ASAH1: variants seen among roughly 807,000 people sequenced by gnomAD.
ASAH1 encodes N-acylsphingosine amidohydrolase 1.
A neutral mutation model predicts 59.5 loss-of-function variants in ASAH1; 70 were observed. The observed-to-expected ratio is 1.18, with a 90% CI of 0.97 to 1.43. ASAH1 has a LOEUF of 1.43. Among genes scored for constraint, ASAH1 ranks in the 40% most tolerant of loss-of-function variants. ASAH1 has a pLI of 0.00. For missense variants in ASAH1, 660 were observed against 482.5 expected, an observed-to-expected ratio of 1.37 and a Z score of -3.45; for synonymous variants, 213 against 166.5, an observed-to-expected ratio of 1.28 and a Z score of -2.15.
intron 12 of ASAH1, 45 bp downstream of exon 12, chr8:18,059,296 T>C: frequency 1.2e-6 from 2 of 1,613,770 alleles, no homozygotes; most frequent in Non-Finnish European, 1.7e-6. Flanking sequence ...CAAGGGAATC[T>C]TTAATGGCAA....
intron 7 of ASAH1, 163 bp from the exon 8 acceptor site, chr8:18,062,586 T>C (rs1301705076): frequency 8.9e-6 from 7 of 783,124 alleles, no homozygotes; most frequent in African/African-American, 1.7e-5. Flanking sequence ...GTTTTCCAAA[T>C]GATAAAATTG....
intron 4 of ASAH1, among the ~76,000 whole-genome samples, chr8:18,069,133 G>A (rs1464673956): frequency 2.6e-5 from 3 of 113,744 alleles, no homozygotes; most frequent in African/African-American, 9.3e-5. Context: ...AGAGTGAGAT[G>A]AGGTCTCAAA....
intron 1 of ASAH1, chr8:18,076,251 C>T (rs1448297025): frequency 1.3e-5 from 2 of 154,692 alleles, no homozygotes; most frequent in Admixed American, 1.3e-4. Flanking sequence ...CATCTATCTT[C>T]CATATGAAAA....
chr8:18,061,229 A>G, intron 10 of ASAH1, 148 bp downstream of exon 10: 1 of 654,518 alleles, frequency 1.5e-6, no homozygotes, highest in South Asian at 2.1e-5. Context: ...AGAAAACATG[A>G]GTAATTCCAC....
chr8:18,084,017 G>A lies in ASAH1; in HGVS notation c.42C>T (p.Ala14=), dbSNP rs769259139. Residue 14 remains alanine, a synonymous_variant, in exon 1 of 14, where the codon GCC becomes GCT. Coordinates refer to ENST00000637790, the MANE Select transcript of ASAH1 (RefSeq NM_177924.5). ...GCTGCGCGACGGCACAGCTGACGGC[G>A]GCAGCCAGGAGGACTAAGGCGACGC... The part of the protein sequence containing the change: ...RSCVALVLLA[A]AVSCAVAQHA... The A allele has an allele frequency of 6.3e-7, 1 of 1,598,502 alleles. No homozygotes were observed. Among genetic ancestry groups the A allele is most frequent in the Non-Finnish European group, 8.5e-7 (1 of 1,179,622 alleles).
Position 18,084,092 on chromosome 8 carries a change from A to C in ASAH1, c.-34T>G. 2.5e-6 allele frequency: 4 copies of C among 1,597,302 alleles called. No homozygotes were observed. In the South Asian group the frequency reaches 4.4e-5, roughly 18 times the overall value. On this transcript the variant is annotated 5_prime_UTR_variant, in exon 1 of 14. Coordinates refer to ENST00000637790, the MANE Select transcript of ASAH1 (RefSeq NM_177924.5). Reference sequence around the variant, plus strand: ...CAGCCAACGCCACTCCCCGGACTCCAGCAGAGGCAAAGAAGAGCCGGCTGG... The same window carrying C: ...CAGCCAACGCCACTCCCCGGACTCCCGCAGAGGCAAAGAAGAGCCGGCTGG...
chr8:18,064,440 C>T lies in ASAH1; in HGVS notation c.457+17G>A, dbSNP rs776817767. 3 of 1,543,244 alleles carry T rather than the reference C, an allele frequency of 1.9e-6. No individual in the cohort carries two copies. In the South Asian group the frequency reaches 3.4e-5, roughly 17 times the overall value. On this transcript the variant is annotated intron_variant, in intron 6 of 13. Transcript: ENST00000637790. ...GTAGTGCTTCATGCTGCCCACCCTC[C>T]CTCAGCGCACAATTACCTTTTTTGT...
rs555039931 is a variant in ASAH1 at position 18,074,987 on chromosome 8, A to G, written c.125+554T>C. On this transcript the variant is annotated intron_variant, in intron 2 of 13. Coordinates refer to ENST00000637790, the MANE Select transcript of ASAH1 (RefSeq NM_177924.5). ...TGGTAGACAGGAGAATTGAGTGGAG[A>G]ATGAAAATCCTTTCCTTTTTTTTTT... 6.5e-4 allele frequency among the ~76,000 whole-genome samples: 99 copies of G among 151,752 alleles called. 1 individual carries two copies. The highest frequency in any genetic ancestry group is 2.3e-3 in the African/African-American group (97 of 41,348).
chr8:18,078,383 T>C (rs2117088017), intron 1 of ASAH1, among the ~76,000 whole-genome samples: 1 of 152,258 alleles, frequency 6.6e-6, no homozygotes, highest in Non-Finnish European at 1.5e-5. Flanking sequence ...TAACGACTCT[T>C]GGTAGCAATA....
chr8:18,070,402 C>A (rs1004905746), intron 3 of ASAH1, among the ~76,000 whole-genome samples: 9 of 152,144 alleles, frequency 5.9e-5, no homozygotes, highest in African/African-American at 2.2e-4. Context: ...CCCGCCTCGG[C>A]CTCCCAAAGT....
At chr8:18,067,385 T>C in intron 4 of ASAH1, 87 bp from the exon 5 acceptor site, 3 of 847,082 alleles carry the variant, frequency 3.5e-6, no homozygotes, top group East Asian at 4.0e-5. Flanking sequence ...AATAAAAGCA[T>C]GCTTTGAAAT....
chr8:18,075,683 A>G (rs1262728713), intron 1 of ASAH1, 96 bp from the exon 2 acceptor site: 2 of 1,103,578 alleles, frequency 1.8e-6, no homozygotes, highest in African/African-American at 1.5e-5. Flanking sequence ...GACAACATCA[A>G]GTCTGATATT....
intron 4 of ASAH1, chr8:18,069,519 G>T: frequency 2.7e-6 from 1 of 367,086 alleles, no homozygotes. Context: ...CTACATAAAG[G>T]GAAGGAAATA....
At chr8:18,064,140 C>G (rs1307503355) in intron 6 of ASAH1, 1 of 506,746 alleles carries the variant, frequency 2.0e-6, no homozygotes, top group Non-Finnish European at 3.5e-6. Context: ...TAAGGAAGCA[C>G]CTCCTGCGAG....
chr8:18,084,115 T>G, upstream of ASAH1: 11 of 1,589,158 alleles, frequency 6.9e-6, no homozygotes, highest in South Asian at 1.1e-5. Flanking sequence ...AAGAGCCGGC[T>G]GGGCCGGGGG....
At chr8:18,084,819 T>A (rs1393859364), upstream of ASAH1, 2 of 1,612,486 alleles carry the variant, frequency 1.2e-6, no homozygotes, top group Non-Finnish European at 1.7e-6. Context: ...CTGTGTTTCC[T>A]CCTAACTGGC....
rs1799470553 is a variant in ASAH1 at position 18,056,369 on chromosome 8, T to C, written c.*1165A>G. The C allele has an allele frequency of 6.6e-6, 1 of 152,210 alleles. No homozygotes were observed. Among genetic ancestry groups the C allele is most frequent in the African/African-American group, 2.4e-5 (1 of 41,434 alleles). The allele number at this position is 152,210 out of a possible 1,614,324, so 9.4% of individuals were successfully genotyped here. ...ATTTAATTCAGATACGATGTTCAGC[T>C]TGTATTTCTTGATAATAACCCCCCT... On this transcript the variant is annotated 3_prime_UTR_variant, in exon 14 of 14. Coordinates refer to ENST00000637790, the MANE Select transcript of ASAH1 (RefSeq NM_177924.5).
intron 5 of ASAH1, 144 bp downstream of exon 5, chr8:18,067,076 A>T: frequency 4.4e-5 from 9 of 203,894 alleles, no homozygotes; most frequent in Non-Finnish European, 7.8e-5. Context: ...CTGAAGCTTC[A>T]CTGAGCTGTA....
chr8:18,058,756 C>G (rs746637157), intron 13 of ASAH1, 79 bp downstream of exon 13: 2 of 1,300,690 alleles, frequency 1.5e-6, no homozygotes, highest in African/African-American at 2.9e-5. Context: ...TCAAACTGAT[C>G]AAAGATAACA....
Sources: allele counts gnomAD v4.1 joint callset (sites outside exome capture counted in the v4.1 genomes callset), GRCh38; gene constraint gnomAD v4.1.1; transcripts MANE v1.5; gene names NCBI Gene and HGNC (gene_info 2026-07-23, HGNC 2026-07-21).